PLA2G5: variants seen among roughly 807,000 people sequenced by gnomAD.
PLA2G5 encodes the protein phospholipase A2 group V.
A neutral mutation model predicts 15.9 loss-of-function variants in PLA2G5; 12 were observed. The observed-to-expected ratio is 0.76, with a 90% CI of 0.48 to 1.23. The LOEUF (loss-of-function observed/expected upper bound fraction) is 1.23. PLA2G5 is among the 50% of genes most tolerant of loss of function. PLA2G5 has a pLI of 0.00. For synonymous variants in PLA2G5, 71 were observed against 71.4 expected (o/e 0.99, Z 0.03); for missense variants, 169 against 177.1 (o/e 0.95, Z 0.26).
At chr1:20,041,712 C>G (rs1478490406) in intron 1 of PLA2G5, among the ~76,000 whole-genome samples, 3 of 152,090 alleles carry the variant, frequency 2.0e-5, no homozygotes, top group Non-Finnish European at 4.4e-5. Flanking sequence ...ATAGAATGAG[C>G]CTGTGAGGCT....
intron 1 of PLA2G5, among the ~76,000 whole-genome samples, chr1:20,073,718 A>G (rs567320791): frequency 2.6e-5 from 4 of 152,234 alleles, no homozygotes; most frequent in East Asian, 1.9e-4. Flanking sequence ...CCCCGTCTCT[A>G]TGAAAAATAC....
upstream of PLA2G5, among the ~76,000 whole-genome samples, chr1:20,069,286 A>T (rs1483205718): frequency 6.6e-6 from 1 of 152,162 alleles, no homozygotes; most frequent in Admixed American, 6.5e-5. Flanking sequence ...TTAACCTGAT[A>T]ATCATGAGGA....
intron 1 of PLA2G5, among the ~76,000 whole-genome samples, chr1:20,039,276 G>C (rs1414753461): frequency 2.6e-5 from 4 of 152,186 alleles, no homozygotes; most frequent in African/African-American, 9.6e-5. Context: ...TATGGCCAAA[G>C]CATGGACATT....
At chr1:20,057,341 T>C (rs1321693735) in intron 1 of PLA2G5, among the ~76,000 whole-genome samples, 5 of 151,874 alleles carry the variant, frequency 3.3e-5, no homozygotes, top group Non-Finnish European at 7.4e-5. Context: ...CTAATGTGTG[T>C]GTTCAATGCT....
intron 1 of PLA2G5, among the ~76,000 whole-genome samples, chr1:20,082,241 T>C (rs920579803): frequency 6.6e-6 from 1 of 151,894 alleles, no homozygotes; most frequent in Non-Finnish European, 1.5e-5. Context: ...ATACATGGCA[T>C]ACTTCAGGGG....
exon 1 of PLA2G5, chr1:20,028,544 G>A (rs575111239): frequency 1.8e-4 from 27 of 152,330 alleles, no homozygotes; most frequent in African/African-American, 5.5e-4. Flanking sequence ...TAGGGGCACT[G>A]TAACCAGGGT....
intron 2 of PLA2G5, among the ~76,000 whole-genome samples, chr1:20,060,241 T>A (rs578215882): frequency 7.4e-6 from 1 of 134,502 alleles, no homozygotes; most frequent in East Asian, 2.2e-4. Context: ...GACTTTCTTT[T>A]TTCTTCTTTT....
At chr1:20,062,010 G>A (rs752618192) in intron 2 of PLA2G5, among the ~76,000 whole-genome samples, 3 of 152,234 alleles carry the variant, frequency 2.0e-5, no homozygotes, top group Non-Finnish European at 4.4e-5. Context: ...TTGGTGATGA[G>A]TGACCTCTCA....
intron 1 of PLA2G5, among the ~76,000 whole-genome samples, chr1:20,044,590 G>A (rs1014685002): frequency 1.6e-4 from 24 of 152,060 alleles, no homozygotes; most frequent in African/African-American, 5.8e-4. Flanking sequence ...GGGAGAGGTT[G>A]GATAAAGAAA....
At chr1:20,074,625 C>T (rs961513280) in intron 1 of PLA2G5, among the ~76,000 whole-genome samples, 2 of 152,100 alleles carry the variant, frequency 1.3e-5, no homozygotes, top group African/African-American at 4.8e-5. Flanking sequence ...ACCTCCCATG[C>T]GACATTTCTT....
chr1:20,046,479 C>T (rs1409842791), intron 1 of PLA2G5, among the ~76,000 whole-genome samples: 1 of 152,156 alleles, frequency 6.6e-6, no homozygotes, highest in African/African-American at 2.4e-5. Flanking sequence ...TTTTTTTCCA[C>T]CCTATATCTC....
chr1:20,053,390 T>C (rs1449079355), intron 1 of PLA2G5, among the ~76,000 whole-genome samples: 2 of 152,210 alleles, frequency 1.3e-5, no homozygotes, highest in African/African-American at 2.4e-5. Flanking sequence ...TCTTTAGCCT[T>C]ATGGTATACC....
At position 20,028,903 on chromosome 1, in the gene PLA2G5, G is replaced by A. The variant is rs913679563; in HGVS notation, n.276+194G>A. ...CAGTGCCCTGCTGCTCAAACCTCTAGGGGAGCATACAGATGGGCAGGCTGT... is the reference window on the plus strand; with the variant it reads ...CAGTGCCCTGCTGCTCAAACCTCTAAGGGAGCATACAGATGGGCAGGCTGT... On this transcript the variant is annotated intron_variant and non_coding_transcript_variant, in intron 1 of 6. Transcript: ENST00000460175. Among the ~76,000 whole-genome samples the A allele has an allele frequency of 7.8e-4, 119 of 152,330 alleles. 1 individual carries two copies. Among genetic ancestry groups the A allele is most frequent in the African/African-American group, 2.7e-3 (113 of 41,572 alleles).
At chr1:20,058,147 T>C (rs1053130464) in intron 1 of PLA2G5, among the ~76,000 whole-genome samples, 4 of 152,236 alleles carry the variant, frequency 2.6e-5, no homozygotes. Context: ...GATCCAGCTG[T>C]TAGAAGTGCT....
chr1:20,044,671 G>C (rs777041351), intron 1 of PLA2G5, among the ~76,000 whole-genome samples: 1 of 152,130 alleles, frequency 6.6e-6, no homozygotes, highest in Non-Finnish European at 1.5e-5. Flanking sequence ...GGGCAGGTGG[G>C]GGAGGGCTAG....
At chr1:20,065,936 G>A (rs2015003462), upstream of PLA2G5, 1 of 152,186 alleles carries the variant, frequency 6.6e-6, no homozygotes, top group South Asian at 2.1e-4. Flanking sequence ...TTGGGCCGAG[G>A]AGTTTGAGAC....
chr1:20,080,855 G>C (rs1435086821), intron 1 of PLA2G5, among the ~76,000 whole-genome samples: 1 of 151,882 alleles, frequency 6.6e-6, no homozygotes, highest in Admixed American at 6.5e-5. Flanking sequence ...GCAGAGAGCA[G>C]GGCCGAGAGA....
rs11573211 is a variant in PLA2G5, at chr1:20,075,270, AC to A, written c.-11+4810del. ...ATCAAGATCCAACCTCCTTAGCCTGACCCCCAAGGGCCTTTGTGACCTACCC... is the reference window on the plus strand; with the variant it reads ...ATCAAGATCCAACCTCCTTAGCCTGACCCCAAGGGCCTTTGTGACCTACCC... On this transcript the variant is annotated intron_variant, in intron 1 of 4. Transcript: ENST00000375108. Among the ~76,000 whole-genome samples the A allele has an allele frequency of 3.8e-3, 569 of 151,514 alleles. 34 individuals carry two copies. The East Asian group carries it at 0.094, about 25-fold the overall frequency.
chr1:20,090,749 A>G lies in PLA2G5; in HGVS notation c.*57A>G. On this transcript the variant is annotated 3_prime_UTR_variant, in exon 5 of 5. Transcript: ENST00000375108. ...CTTTTGTTCTGTTTTTCTACAACACAGAGTACTGACTCTGCCTGGTTCCTG... is the reference window on the plus strand; with the variant it reads ...CTTTTGTTCTGTTTTTCTACAACACGGAGTACTGACTCTGCCTGGTTCCTG... The G allele has an allele frequency of 2.5e-6, 4 of 1,585,526 alleles. No homozygotes were observed. Among genetic ancestry groups the G allele is most frequent in the Non-Finnish European group, 3.5e-6 (4 of 1,154,486 alleles).
Sources: allele counts gnomAD v4.1 joint callset (sites outside exome capture counted in the v4.1 genomes callset), GRCh38; gene constraint gnomAD v4.1.1; transcripts MANE v1.5; gene names NCBI Gene and HGNC (gene_info 2026-07-23, HGNC 2026-07-21).